DLGAP2: variants seen among roughly 807,000 people sequenced by gnomAD.
DLGAP2 encodes DLG associated protein 2.
A neutral mutation model predicts 100.3 loss-of-function variants in DLGAP2; 26 were observed. The ratio of observed to expected loss-of-function variants is 0.26; its 90% confidence interval spans 0.19 to 0.36. DLGAP2 has a LOEUF of 0.36. Ranked by LOEUF, DLGAP2 falls within the 10% of genes least tolerant of loss-of-function variation. The probability of loss-of-function intolerance (pLI) is 1.00; values close to 1 mark genes in which losing one functional copy is unlikely to be tolerated. For synonymous variants in DLGAP2, 886 were observed against 630.1 expected (o/e 1.41, Z -6.08); for missense variants, 1,858 against 1,453.2 (o/e 1.28, Z -4.53).
At chr8:1,280,727 G>A (rs562869955) in intron 3 of DLGAP2, among the ~76,000 whole-genome samples, 4 of 152,208 alleles carry the variant, frequency 2.6e-5, no homozygotes, top group Non-Finnish European at 5.9e-5. Flanking sequence ...TCTGGGCAGA[G>A]GAGTATAAGG....
intron 4 of DLGAP2, among the ~76,000 whole-genome samples, chr8:1,505,017 G>C (rs1021753283): frequency 6.6e-6 from 1 of 152,186 alleles, no homozygotes; most frequent in African/African-American, 2.4e-5. Context: ...AAGGAAGGAA[G>C]AAGGAAGGAA....
intron 2 of DLGAP2, among the ~76,000 whole-genome samples, chr8:1,227,799 A>G (rs1440240688): frequency 6.6e-6 from 1 of 152,220 alleles, no homozygotes; most frequent in Non-Finnish European, 1.5e-5. Flanking sequence ...AGGAGCAGAT[A>G]AGATGAACAA....
intron 1 of DLGAP2, among the ~76,000 whole-genome samples, chr8:842,264 T>G (rs934346352): frequency 1.3e-5 from 2 of 152,192 alleles, no homozygotes; most frequent in Non-Finnish European, 2.9e-5. Context: ...CAATACTCCT[T>G]GAGCGATTGT....
chr8:820,027 T>A (rs1796555611), intron 1 of DLGAP2, among the ~76,000 whole-genome samples: 1 of 152,200 alleles, frequency 6.6e-6, no homozygotes. Flanking sequence ...AGAGTTCTTG[T>A]CTACTAAGAG....
At chr8:1,682,923 T>C (rs547402292) in intron 12 of DLGAP2, among the ~76,000 whole-genome samples, 1 of 149,868 alleles carries the variant, frequency 6.7e-6, no homozygotes, top group Admixed American at 6.6e-5. Context: ...GGGATTTTTG[T>C]TTTGTTTTGT....
intron 2 of DLGAP2, among the ~76,000 whole-genome samples, chr8:997,990 C>T (rs562731788): frequency 3.9e-5 from 6 of 152,244 alleles, no homozygotes; most frequent in South Asian, 2.1e-4. Flanking sequence ...TGCACAAACA[C>T]GTGCACACAA....
At chr8:1,464,319 G>A (rs72507645) in intron 3 of DLGAP2, among the ~76,000 whole-genome samples, 7,801 of 43,016 alleles carry the variant, frequency 0.18, 968 homozygotes, top group East Asian at 0.54. Flanking sequence ...CCAGGACAAC[G>A]CCCTTCCAGG....
At chr8:1,004,493 C>T (rs781143181) in intron 2 of DLGAP2, among the ~76,000 whole-genome samples, 16 of 152,174 alleles carry the variant, frequency 1.1e-4, no homozygotes, top group Admixed American at 2.0e-4. Context: ...AAAATAGAGT[C>T]GGCCACAATC....
intron 2 of DLGAP2, among the ~76,000 whole-genome samples, chr8:1,154,279 T>C (rs1425218612): frequency 6.6e-6 from 1 of 152,148 alleles, no homozygotes; most frequent in Non-Finnish European, 1.5e-5. Context: ...TTTGAAGAGC[T>C]GAGTTACTGA....
At chr8:878,324 T>G (rs1191767065) in intron 1 of DLGAP2, among the ~76,000 whole-genome samples, 1 of 152,150 alleles carries the variant, frequency 6.6e-6, no homozygotes, top group African/African-American at 2.4e-5. Flanking sequence ...ACCCTCTGAA[T>G]GTAACGGAAA....
At chr8:1,067,582 C>T (rs1324831905) in intron 2 of DLGAP2, among the ~76,000 whole-genome samples, 1 of 149,068 alleles carries the variant, frequency 6.7e-6, no homozygotes, top group African/African-American at 2.5e-5. Context: ...ATGGGAAAAC[C>T]AAGACTCAGG....
intron 2 of DLGAP2, among the ~76,000 whole-genome samples, chr8:1,226,469 G>A (rs760029714): frequency 6.6e-6 from 1 of 152,134 alleles, no homozygotes; most frequent in African/African-American, 2.4e-5. Flanking sequence ...ACAGGGGCCT[G>A]TCAGGGGGCA....
At chr8:1,081,473 T>G (rs760829360) in intron 2 of DLGAP2, among the ~76,000 whole-genome samples, 2 of 152,272 alleles carry the variant, frequency 1.3e-5, no homozygotes, top group African/African-American at 2.4e-5. Context: ...TGCCTCAGCC[T>G]CCCTAGTAGC....
chr8:815,786 G>A (rs1796465375), intron 1 of DLGAP2, among the ~76,000 whole-genome samples: 2 of 152,172 alleles, frequency 1.3e-5, no homozygotes, highest in South Asian at 4.1e-4. Flanking sequence ...CTGAAAGGAG[G>A]ACAAGAGGAT....
chr8:880,720 A>G (rs1398199200), intron 1 of DLGAP2, among the ~76,000 whole-genome samples: 6 of 152,206 alleles, frequency 3.9e-5, no homozygotes, highest in Non-Finnish European at 7.3e-5. Flanking sequence ...TGACTGCGAC[A>G]TGGTATCTGT....
intron 2 of DLGAP2, among the ~76,000 whole-genome samples, chr8:1,155,283 C>T (rs535188804): frequency 6.6e-6 from 1 of 152,252 alleles, no homozygotes; most frequent in South Asian, 2.1e-4. Context: ...TCCGTCTTCC[C>T]GGAGGGAGTG....
chr8:1,156,142 C>G lies in DLGAP2; in HGVS notation c.74-102709C>G, dbSNP rs137945667. 7.9e-5 allele frequency among the ~76,000 whole-genome samples: 12 copies of G among 152,302 alleles called. No homozygotes were observed. The East Asian group carries it at 2.3e-3, about 29-fold the overall frequency. On this transcript the variant is annotated intron_variant, in intron 2 of 14. Coordinates refer to ENST00000637795, the MANE Select transcript of DLGAP2 (RefSeq NM_001346810.2). ...GCAGGTGCAGGGGCTTCCCTAGGAG[C>G]CTCCCCTGGGCTTGGCTGTGTGTGA... is the stretch of plus-strand genomic sequence containing the variant.
At chr8:1,343,836 G>C (rs188915082) in intron 3 of DLGAP2, among the ~76,000 whole-genome samples, 2 of 152,260 alleles carry the variant, frequency 1.3e-5, no homozygotes, top group East Asian at 1.9e-4. Flanking sequence ...ACCCGTGACA[G>C]AGCAGATGAT....
intron 1 of DLGAP2, among the ~76,000 whole-genome samples, chr8:825,544 G>T (rs1423754632): frequency 1.3e-5 from 2 of 152,146 alleles, no homozygotes; most frequent in African/African-American, 4.8e-5. Flanking sequence ...AGTTCATCTT[G>T]TTCCCTTATT....
Sources: allele counts gnomAD v4.1 joint callset (sites outside exome capture counted in the v4.1 genomes callset), GRCh38; gene constraint gnomAD v4.1.1; transcripts MANE v1.5; gene names NCBI Gene and HGNC (gene_info 2026-07-23, HGNC 2026-07-21).